Variants in MYEF2 observed in about 807,000 individuals in gnomAD.
MYEF2 encodes myelin gene expression factor 2.
A neutral mutation model predicts 75.2 loss-of-function variants in MYEF2; 37 were observed. The observed-to-expected ratio is 0.49, with a 90% confidence interval of 0.38 to 0.65. The LOEUF (loss-of-function observed/expected upper bound fraction) is 0.65, where lower values mean the gene tolerates loss of function less well. Ranked by LOEUF, MYEF2 falls within the 30% of genes least tolerant of loss-of-function variation. MYEF2 has a pLI of 0.00. For missense variants in MYEF2, 634 were observed against 771.4 expected, an observed-to-expected ratio of 0.82 and a Z score of 2.11; for synonymous variants, 195 against 241.6, an observed-to-expected ratio of 0.81 and a Z score of 1.79.
In MYEF2 at chr15:48,157,954, A is replaced by C. The variant is rs758215274; in HGVS notation, c.985+39T>G. On this transcript the variant is annotated intron_variant, in intron 9 of 16. Transcript: ENST00000324324. ...CTTAGCACATAATAAAACAAACCAA[A>C]AAAAGCCTATGTTGTTTCTCATAAT... 8 of 1,609,480 alleles carry C rather than the reference A, an allele frequency of 5.0e-6. No homozygotes were observed. The East Asian group carries it at 1.8e-4, about 36-fold the overall frequency.
chr15:48,139,747 A>G lies in MYEF2; in HGVS notation c.*3161T>C, dbSNP rs892171422. On this transcript the variant is annotated 3_prime_UTR_variant, in exon 17 of 17. Transcript: ENST00000324324. ...TACTGCTGCTTGGCCATAATCCACT[A>G]CAGTCCCTAAACAAAAAAACTATGA... 1 of 152,166 alleles carries G rather than the reference A, an allele frequency of 6.6e-6. No individual in the cohort carries two copies. The highest frequency in any genetic ancestry group is 6.5e-5 in the Admixed American group (1 of 15,272). The allele number at this position is 152,166 out of a possible 1,614,324, so 9.4% of individuals were successfully genotyped here.
At chr15:48,150,380 T>G (rs554387573) in intron 14 of MYEF2, among the ~76,000 whole-genome samples, 293 of 152,182 alleles carry the variant, frequency 1.9e-3, no homozygotes, top group African/African-American at 6.9e-3. Context: ...AATTTACTTT[T>G]AGAATAGTTT....
intron 2 of MYEF2, among the ~76,000 whole-genome samples, chr15:48,168,203 A>T (rs759882287): frequency 3.3e-5 from 5 of 152,150 alleles, no homozygotes; most frequent in Admixed American, 6.5e-5. Flanking sequence ...TGCAAACAAA[A>T]TAAATTCCAC....
intron 1 of MYEF2, among the ~76,000 whole-genome samples, chr15:48,172,681 G>A (rs1745951060): frequency 6.6e-6 from 1 of 151,738 alleles, no homozygotes; most frequent in Non-Finnish European, 1.5e-5. Flanking sequence ...AATCAAAGAG[G>A]AGACATTATA....
Position 48,136,533 on chromosome 15 carries a change from A to G in MYEF2, c.*6375T>C. The G allele has an allele frequency of 1.5e-6, 1 of 686,376 alleles. No homozygotes were observed. The highest frequency in any genetic ancestry group is 2.5e-5 in the South Asian group (1 of 40,186). The allele number at this position is 686,376 out of a possible 1,614,324, so 42.5% of individuals were successfully genotyped here. A position where few individuals can be genotyped will look rare whatever the true frequency, so the allele number is the denominator to read the frequency against. On this transcript the variant is annotated 3_prime_UTR_variant, in exon 17 of 17. Coordinates refer to ENST00000324324, the MANE Select transcript of MYEF2 (RefSeq NM_016132.5). ...ATAATAATGCTGTAATCAAGTCTGG[A>G]CAAATCTACAAAACAAAAAATATCT...
intron 1 of MYEF2, among the ~76,000 whole-genome samples, chr15:48,177,839 A>G (rs1201134499): frequency 2.0e-5 from 3 of 152,178 alleles, no homozygotes; most frequent in Non-Finnish European, 4.4e-5. Context: ...ATCAGGGAAG[A>G]GCGCTGGTCC....
At chr15:48,144,392 T>C (rs1479555888) in intron 16 of MYEF2, among the ~76,000 whole-genome samples, 1 of 151,642 alleles carries the variant, frequency 6.6e-6, no homozygotes, top group Admixed American at 6.6e-5. Context: ...GAAAACCAAC[T>C]GGTAGTCAAC....
At chr15:48,157,087 T>C (rs2140873178) in intron 9 of MYEF2, 1 of 152,280 alleles carries the variant, frequency 6.6e-6, no homozygotes, top group East Asian at 1.9e-4. Flanking sequence ...TTAAGATTTC[T>C]TATAAGAATA....
intron 16 of MYEF2, among the ~76,000 whole-genome samples, chr15:48,147,475 T>C (rs920195381): frequency 6.6e-6 from 1 of 151,890 alleles, no homozygotes; most frequent in Non-Finnish European, 1.5e-5. Flanking sequence ...CAACACAGAT[T>C]ATACTTGCTG....
intron 5 of MYEF2, among the ~76,000 whole-genome samples, chr15:48,163,700 C>A (rs568451135): frequency 5.3e-5 from 8 of 152,254 alleles, no homozygotes; most frequent in African/African-American, 1.7e-4. Context: ...TTATTAGGGG[C>A]TAATGCAACT....
intron 2 of MYEF2, among the ~76,000 whole-genome samples, chr15:48,168,004 T>C (rs1235396971): frequency 1.3e-5 from 2 of 152,002 alleles, no homozygotes; most frequent in African/African-American, 2.4e-5. Flanking sequence ...TGCAGGACTG[T>C]TGAAACTCAA....
At chr15:48,157,189 T>C (rs925981862) in intron 9 of MYEF2, 2 of 152,118 alleles carry the variant, frequency 1.3e-5, no homozygotes, top group Non-Finnish European at 2.9e-5. Flanking sequence ...TTCTAAGTGC[T>C]TTACATATAT....
Position 48,137,188 on chromosome 15 carries a change from G to GTGAC in MYEF2, c.*5716_*5719dup. The GTGAC allele has an allele frequency of 2.1e-6, 1 of 471,992 alleles. No individual in the cohort carries two copies. The highest frequency in any genetic ancestry group is 3.6e-6 in the Non-Finnish European group (1 of 274,074). 29.2% of individuals were successfully genotyped at this position (471,992 alleles called of 1,614,324 possible). On this transcript the variant is annotated 3_prime_UTR_variant, in exon 17 of 17. Coordinates refer to ENST00000324324, the MANE Select transcript of MYEF2 (RefSeq NM_016132.5). ...TACCATAAAAAGAGAAAAATAAAGT[G>GTGAC]TGACTGTGGTTCACAAATGGGACAG... is the stretch of plus-strand genomic sequence containing the variant.
At chr15:48,174,331 C>T (rs2040440702) in intron 1 of MYEF2, among the ~76,000 whole-genome samples, 1 of 150,532 alleles carries the variant, frequency 6.6e-6, no homozygotes, top group African/African-American at 2.4e-5. Flanking sequence ...ACACCTAAAA[C>T]CATGGAACTC....
chr15:48,137,046 G>A lies in MYEF2; in HGVS notation c.*5862C>T. 7.0e-7 allele frequency: 1 copy of A among 1,420,624 alleles called. No homozygotes were observed. The highest frequency in any genetic ancestry group is 9.4e-7 in the Non-Finnish European group (1 of 1,059,036). The allele number at this position is 1,420,624 out of a possible 1,614,324, so 88.0% of individuals were successfully genotyped here. A position where few individuals can be genotyped will look rare whatever the true frequency, so the allele number is the denominator to read the frequency against. ...TTCATTTCAATTCAGCAAGTATTGT[G>A]TGCTTTTTATGTAAAAAAGACTGTG... is the stretch of plus-strand genomic sequence containing the variant. On this transcript the variant is annotated 3_prime_UTR_variant, in exon 17 of 17. Coordinates refer to ENST00000324324, the MANE Select transcript of MYEF2 (RefSeq NM_016132.5).
intron 1 of MYEF2, among the ~76,000 whole-genome samples, chr15:48,173,776 G>C (rs894267997): frequency 6.6e-6 from 1 of 151,710 alleles, no homozygotes; most frequent in African/African-American, 2.4e-5. Context: ...AAAATACCTA[G>C]AAATAAATTT....
chr15:48,168,509 G>T, intron 2 of MYEF2, 122 bp downstream of exon 2: 1 of 700,954 alleles, frequency 1.4e-6, no homozygotes, highest in South Asian at 1.9e-5. Context: ...TAATTCACAT[G>T]TCAAGAAATA....
chr15:48,155,250 G>A (rs2039650030), intron 9 of MYEF2, among the ~76,000 whole-genome samples: 1 of 151,924 alleles, frequency 6.6e-6, no homozygotes, highest in Non-Finnish European at 1.5e-5. Flanking sequence ...AAATAAAGCT[G>A]CTGTACTTAC....
intron 1 of MYEF2, among the ~76,000 whole-genome samples, chr15:48,177,480 A>G (rs2040579521): frequency 6.6e-6 from 1 of 152,208 alleles, no homozygotes; most frequent in African/African-American, 2.4e-5. Flanking sequence ...TTTTTAAAGT[A>G]CGTCTAGCCA....
Sources: allele counts gnomAD v4.1 joint callset (sites outside exome capture counted in the v4.1 genomes callset), GRCh38; gene constraint gnomAD v4.1.1; transcripts MANE v1.5; gene names NCBI Gene and HGNC (gene_info 2026-07-23, HGNC 2026-07-21).